The following PSD2 variants were observed in gnomAD, a reference collection of about 807,000 sequenced individuals.
The protein encoded by PSD2 is pleckstrin and Sec7 domain containing 2, also known as PH and SEC7 domain-containing protein 2.
PSD2 carries 38 observed loss-of-function variants against 69.8 expected under a neutral mutation model. The ratio of observed to expected loss-of-function variants is 0.54; its 90% CI spans 0.42 to 0.71. The LOEUF (loss-of-function observed/expected upper bound fraction) is 0.71, where lower values mean the gene tolerates loss of function less well. Among genes scored for constraint, PSD2 ranks in the 30% least tolerant of loss-of-function variants. The pLI is 0.00. For missense variants in PSD2, 943 were observed against 1,014.5 expected, an observed-to-expected ratio of 0.93 and a Z score of 0.96; for synonymous variants, 412 against 423.0, an observed-to-expected ratio of 0.97 and a Z score of 0.32.
the PSD2 span, among the ~76,000 whole-genome samples, chr5:139,785,771 T>G: frequency 6.6e-6 from 1 of 152,124 alleles, no homozygotes; most frequent in African/African-American, 2.4e-5. Context: ...AGTATGATAA[T>G]GTGGGAAGGG....
At chr5:139,802,819 A>C (rs376736039) in intron 1 of PSD2, among the ~76,000 whole-genome samples, 1 of 152,204 alleles carries the variant, frequency 6.6e-6, no homozygotes. Context: ...GGAGAGAAGC[A>C]AGCTGGGAGA....
chr5:139,826,095 C>T (rs1374963916), intron 7 of PSD2, among the ~76,000 whole-genome samples: 4 of 152,244 alleles, frequency 2.6e-5, no homozygotes, highest in Middle Eastern at 3.4e-3. Context: ...AAAGTGATGG[C>T]GCAAGAGTGA....
chr5:139,748,345 G>C, the PSD2 span, among the ~76,000 whole-genome samples: 1 of 152,084 alleles, frequency 6.6e-6, no homozygotes, highest in African/African-American at 2.4e-5. Context: ...CACATATTTG[G>C]GCACCTGCCC....
chr5:139,822,700 TGAGAGTG>T lies in PSD2; in HGVS notation c.1211-25_1211-19del. On this transcript the variant is annotated intron_variant, in intron 6 of 14. Transcript: ENST00000274710. Reference sequence around the variant, plus strand: ...GTGGGAAGAGGTTGGATCCTCGCACTGAGAGTGCCACCATCTCTGACTCAGATGGGAT... The same window carrying T: ...GTGGGAAGAGGTTGGATCCTCGCACTCCACCATCTCTGACTCAGATGGGAT... 1 of 1,601,650 alleles carries T rather than the reference TGAGAGTG, an allele frequency of 6.2e-7. No homozygotes were observed. The highest frequency in any genetic ancestry group is 8.5e-7 in the Non-Finnish European group (1 of 1,172,580).
chr5:139,837,314 G>GC lies in PSD2; in HGVS notation c.1665+76_1665+77insC. 8.0e-7 allele frequency: 1 copy of GC among 1,252,448 alleles called. No individual in the cohort carries two copies. Among genetic ancestry groups the GC allele is most frequent in the Non-Finnish European group, 1.1e-6 (1 of 929,184 alleles). 77.6% of individuals were successfully genotyped at this position (1,252,448 alleles called of 1,614,324 possible). ...TCCCGCCCTGGCCTTGTGGCACCCCGAAGCCCCAGGCAGGACCTGGGGCTC... is the reference window on the plus strand; with the variant it reads ...TCCCGCCCTGGCCTTGTGGCACCCCGCAAGCCCCAGGCAGGACCTGGGGCTC... On this transcript the variant is annotated intron_variant, in intron 11 of 14. Transcript: ENST00000274710. The surrounding 1 kb of genome is among the most constrained non-coding windows in gnomAD (Gnocchi z 5.0).
At chr5:139,834,449 C>T (rs73269480) in intron 8 of PSD2, among the ~76,000 whole-genome samples, 3 of 150,626 alleles carry the variant, frequency 2.0e-5, no homozygotes, top group African/African-American at 4.9e-5. Flanking sequence ...CTGTGCCTGG[C>T]GATTTTTATT....
At chr5:139,790,556 C>A in the PSD2 span, among the ~76,000 whole-genome samples, 1 of 152,002 alleles carries the variant, frequency 6.6e-6, no homozygotes. Flanking sequence ...GCCAGAGAGG[C>A]AGGAGGAAAA....
intron 1 of PSD2, among the ~76,000 whole-genome samples, chr5:139,797,402 C>T (rs1286938913): frequency 6.6e-6 from 1 of 152,198 alleles, no homozygotes; most frequent in African/African-American, 2.4e-5. Context: ...CCTTGGAAGG[C>T]CTCCCTCACT....
the PSD2 span, among the ~76,000 whole-genome samples, chr5:139,754,196 G>T: frequency 6.6e-6 from 1 of 152,118 alleles, no homozygotes; most frequent in South Asian, 2.1e-4. Flanking sequence ...GGTTGGGCAT[G>T]ATGGCTCATG....
At chr5:139,827,820 G>C (rs1760466338) in intron 7 of PSD2, among the ~76,000 whole-genome samples, 1 of 152,190 alleles carries the variant, frequency 6.6e-6, no homozygotes, top group Admixed American at 6.5e-5. Flanking sequence ...AGAACAGCGT[G>C]GGGGAACCAC....
At chr5:139,840,775 C>T (rs1162069161) in intron 14 of PSD2, among the ~76,000 whole-genome samples, 1 of 152,162 alleles carries the variant, frequency 6.6e-6, no homozygotes, top group Non-Finnish European at 1.5e-5. Context: ...TGGTCTCGAA[C>T]TCCTGACTTC....
At chr5:139,782,270 G>A in the PSD2 span, among the ~76,000 whole-genome samples, 5 of 152,046 alleles carry the variant, frequency 3.3e-5, no homozygotes, top group African/African-American at 1.2e-4. Flanking sequence ...TATAACCTCC[G>A]CCTCCTGGGT....
chr5:139,824,445 G>T (rs1760361994), intron 7 of PSD2, among the ~76,000 whole-genome samples: 1 of 138,608 alleles, frequency 7.2e-6, no homozygotes, highest in Non-Finnish European at 1.5e-5. Flanking sequence ...CGCCTAGGCT[G>T]GAGTGCAGTG....
Position 139,842,292 on chromosome 5 carries a change from A to G in PSD2, c.2134A>G (p.Ile712Val), listed in dbSNP as rs911390023. The change falls in exon 15 of 15, where the codon ATC (isoleucine) becomes GTC (valine). Residue 712 changes from isoleucine to valine, a missense_variant. This residue lies in a region of PSD2 where 165 missense variants were observed against 168.8 expected (regional missense o/e 0.98). Transcript: ENST00000274710. ...CCAGAAAAGCCGTTATGAGACCTATATCCACCTCCTGGCTATGAAAATCAA... is the reference window on the plus strand; with the variant it reads ...CCAGAAAAGCCGTTATGAGACCTATGTCCACCTCCTGGCTATGAAAATCAA... ...TFEKSRYETY[I>V]HLLAMKIKVG... 1.2e-5 allele frequency: 20 copies of G among 1,614,058 alleles called. No homozygotes were observed. Among genetic ancestry groups the G allele is most frequent in the Non-Finnish European group, 1.6e-5 (19 of 1,180,034 alleles).
At chr5:139,824,760 C>T (rs1192838063) in intron 7 of PSD2, among the ~76,000 whole-genome samples, 1 of 152,116 alleles carries the variant, frequency 6.6e-6, no homozygotes, top group African/African-American at 2.4e-5. Flanking sequence ...AAAGCTCGTA[C>T]CCAAGGCCTG....
At chr5:139,783,945 T>TC in the PSD2 span, among the ~76,000 whole-genome samples, 1 of 80,060 alleles carries the variant, frequency 1.2e-5, no homozygotes, top group Non-Finnish European at 2.9e-5. Context: ...TGCTAGCTCT[T>TC]TTTTTTTTTT....
the PSD2 span, among the ~76,000 whole-genome samples, chr5:139,743,360 G>T: frequency 1.3e-5 from 2 of 152,238 alleles, no homozygotes; most frequent in Non-Finnish European, 2.9e-5. Flanking sequence ...GTAAGATGGA[G>T]AACCTGGGAG....
chr5:139,831,732 T>C (rs568258111), intron 7 of PSD2, among the ~76,000 whole-genome samples: 21 of 152,388 alleles, frequency 1.4e-4, no homozygotes, highest in South Asian at 4.1e-4. Flanking sequence ...GGAAACTTTA[T>C]TGTTGCTCTA....
chr5:139,766,919 T>C, the PSD2 span, among the ~76,000 whole-genome samples: 3 of 21,804 alleles, frequency 1.4e-4, no homozygotes, highest in African/African-American at 3.3e-4. Context: ...CTTCCTTCCT[T>C]CCTTCCTTCC....
Sources: allele counts gnomAD v4.1 joint callset (sites outside exome capture counted in the v4.1 genomes callset), GRCh38; gene constraint gnomAD v4.1.1; regional missense constraint gnomAD v4.1.1; non-coding constraint Gnocchi (gnomAD v3.1); transcripts MANE v1.5; gene names NCBI Gene and HGNC (gene_info 2026-07-23, HGNC 2026-07-21).